Variants in LRMDA observed in about 807,000 individuals in gnomAD.
LRMDA encodes leucine-rich melanocyte differentiation-associated protein.
LRMDA carries 18 observed loss-of-function variants against 29.8 expected under a neutral mutation model. The observed-to-expected ratio is 0.60, with a 90% confidence interval of 0.42 to 0.90. The LOEUF is 0.90. Among genes scored for constraint, LRMDA ranks in the 40% least tolerant of loss-of-function variants. The pLI is 0.00. For synonymous variants in LRMDA, 125 were observed against 109.4 expected, an observed-to-expected ratio of 1.14 and a Z score of -0.89; for missense variants, 273 against 273.9, an observed-to-expected ratio of 1.00 and a Z score of 0.02.
At chr10:75,993,268 T>C (rs529825866) in intron 2 of LRMDA, among the ~76,000 whole-genome samples, 180 of 152,242 alleles carry the variant, frequency 1.2e-3, no homozygotes, top group African/African-American at 4.0e-3. Context: ...CTCCCCAAGA[T>C]AGCAATGAGA....
intron 6 of LRMDA, among the ~76,000 whole-genome samples, chr10:76,326,615 C>G (rs1840836456): frequency 6.6e-6 from 1 of 152,182 alleles, no homozygotes; most frequent in Non-Finnish European, 1.5e-5. Context: ...CATCGAGTTC[C>G]CAATCTCTTT....
chr10:76,481,806 G>T (rs1842735723), intron 6 of LRMDA, among the ~76,000 whole-genome samples: 4 of 151,680 alleles, frequency 2.6e-5, no homozygotes, highest in African/African-American at 7.3e-5. Context: ...ATTTCCTAAG[G>T]TGCTGACCAT....
Position 75,866,153 on chromosome 10 carries a change from C to G in LRMDA, c.132-169855C>G, listed in dbSNP as rs1323329823. 5.3e-5 allele frequency among the ~76,000 whole-genome samples: 8 copies of G among 152,298 alleles called. No homozygotes were observed. In the East Asian group the frequency reaches 1.5e-3, roughly 29 times the overall value. On this transcript the variant is annotated intron_variant, in intron 2 of 6. Coordinates refer to ENST00000611255, the MANE Select transcript of LRMDA (RefSeq NM_001305581.2). ...CTCCCCTTATTGGGCAACCCTGGAC[C>G]CTGTGACTAGTCATATGGGCAGTGA... is the stretch of plus-strand genomic sequence containing the variant.
chr10:75,765,383 C>T (rs1843150157), intron 2 of LRMDA, among the ~76,000 whole-genome samples: 1 of 152,086 alleles, frequency 6.6e-6, no homozygotes, highest in Non-Finnish European at 1.5e-5. Flanking sequence ...CAGCAGCTGG[C>T]TCTAGAAGTG....
intron 2 of LRMDA, among the ~76,000 whole-genome samples, chr10:76,027,057 A>G (rs946212329): frequency 3.9e-5 from 6 of 152,200 alleles, no homozygotes; most frequent in Non-Finnish European, 7.4e-5. Flanking sequence ...TGAAATGACT[A>G]AGACTTCTCT....
intron 5 of LRMDA, among the ~76,000 whole-genome samples, chr10:76,075,728 C>T (rs572325203): frequency 6.3e-4 from 96 of 152,294 alleles, no homozygotes; most frequent in Non-Finnish European, 1.1e-3. Context: ...TGCAGATGAA[C>T]TCTGAGGGTC....
intron 6 of LRMDA, among the ~76,000 whole-genome samples, chr10:76,545,250 C>A (rs1443923884): frequency 6.7e-6 from 1 of 149,318 alleles, no homozygotes; most frequent in Non-Finnish European, 1.5e-5. Flanking sequence ...TTCAGTGACT[C>A]TCTTGAGAAA....
intron 6 of LRMDA, among the ~76,000 whole-genome samples, chr10:76,341,543 C>T (rs548590860): frequency 1.3e-5 from 2 of 152,070 alleles, no homozygotes; most frequent in African/African-American, 4.8e-5. Context: ...TAACAAATTA[C>T]CCTCAAATTT....
chr10:76,236,459 G>A (rs58439834), intron 5 of LRMDA, among the ~76,000 whole-genome samples: 3 of 152,158 alleles, frequency 2.0e-5, no homozygotes, highest in Non-Finnish European at 4.4e-5. Context: ...TAACCATTTT[G>A]AAGACCCCAA....
intron 2 of LRMDA, among the ~76,000 whole-genome samples, chr10:75,475,951 C>T (rs1384838686): frequency 6.6e-6 from 1 of 152,128 alleles, no homozygotes; most frequent in East Asian, 1.9e-4. Context: ...GGTCCAAGAC[C>T]ACAACATTCT....
Position 76,017,646 on chromosome 10 carries a change from G to A in LRMDA, c.132-18362G>A, listed in dbSNP as rs184881650. 2.6e-5 allele frequency among the ~76,000 whole-genome samples: 4 copies of A among 152,252 alleles called. No homozygotes were observed. The East Asian group carries it at 7.7e-4, about 29-fold the overall frequency. On this transcript the variant is annotated intron_variant, in intron 2 of 6. Transcript: ENST00000611255. ...TCTGTGTGGGAAGGTATCTTCCTGT[G>A]GTAGTTCCAGCCCAGTTGCTACTTC...
At chr10:75,537,408 T>C (rs939825417) in intron 2 of LRMDA, among the ~76,000 whole-genome samples, 2 of 152,188 alleles carry the variant, frequency 1.3e-5, no homozygotes, top group Admixed American at 1.3e-4. Context: ...GGCAAGTTGT[T>C]AAGTCTCTCT....
chr10:75,974,267 G>A (rs1274730571), intron 2 of LRMDA, among the ~76,000 whole-genome samples: 2 of 152,192 alleles, frequency 1.3e-5, no homozygotes, highest in African/African-American at 4.8e-5. Context: ...CTTTGACCAT[G>A]ACTCATGGTG....
At chr10:75,708,179 G>C (rs1842392162) in intron 2 of LRMDA, among the ~76,000 whole-genome samples, 1 of 152,132 alleles carries the variant, frequency 6.6e-6, no homozygotes, top group South Asian at 2.1e-4. Context: ...AGCTTCGAGA[G>C]CCCTTGATTT....
intron 6 of LRMDA, among the ~76,000 whole-genome samples, chr10:76,463,985 C>T (rs1354344635): frequency 1.5e-5 from 2 of 136,266 alleles, no homozygotes; most frequent in Non-Finnish European, 3.1e-5. Flanking sequence ...TTGGCGTGAT[C>T]TCGGTTCACT....
intron 2 of LRMDA, among the ~76,000 whole-genome samples, chr10:75,742,426 G>T (rs865889372): frequency 6.6e-6 from 1 of 152,176 alleles, no homozygotes; most frequent in Non-Finnish European, 1.5e-5. Context: ...TACTGTGTGG[G>T]GAAATAATGG....
chr10:75,498,877 G>A (rs781095124), intron 2 of LRMDA, among the ~76,000 whole-genome samples: 4 of 152,120 alleles, frequency 2.6e-5, no homozygotes, highest in African/African-American at 2.4e-5. Context: ...AATCCTCTCC[G>A]TCTCAGAAGC....
intron 2 of LRMDA, among the ~76,000 whole-genome samples, chr10:75,956,429 G>T (rs1846664581): frequency 6.6e-6 from 1 of 152,124 alleles, no homozygotes; most frequent in South Asian, 2.1e-4. Context: ...ATTCAAATGG[G>T]GCTGGTGTCA....
intron 6 of LRMDA, among the ~76,000 whole-genome samples, chr10:76,480,054 A>C (rs1012969489): frequency 2.6e-5 from 4 of 151,972 alleles, no homozygotes; most frequent in Non-Finnish European, 5.9e-5. Flanking sequence ...TCAATCTTTT[A>C]GGTTGATCAT....
Sources: allele counts gnomAD v4.1 joint callset (sites outside exome capture counted in the v4.1 genomes callset), GRCh38; gene constraint gnomAD v4.1.1; transcripts MANE v1.5; gene names NCBI Gene and HGNC (gene_info 2026-07-23, HGNC 2026-07-21).